SMPD3: variants seen among roughly 807,000 people sequenced by gnomAD.
SMPD3 encodes the protein nSMase-2.
Under a neutral mutation model 55.7 loss-of-function variants are expected in SMPD3, and 21 were observed. The observed-to-expected ratio is 0.38, with a 90% CI of 0.27 to 0.54. The LOEUF is 0.54. Ranked by LOEUF, SMPD3 falls within the 20% of genes least tolerant of loss-of-function variation. SMPD3 has a pLI of 0.80. For missense variants in SMPD3, 842 were observed against 899.6 expected (o/e 0.94, Z 0.82); for synonymous variants, 457 against 404.3 (o/e 1.13, Z -1.56).
intron 1 of SMPD3, among the ~76,000 whole-genome samples, chr16:68,428,312 C>A (rs1218546629): frequency 6.6e-6 from 1 of 152,196 alleles, no homozygotes. Context: ...TAGGACAAAT[C>A]CTTGACTAGT....
At chr16:68,422,736 T>C (rs2090405430) in intron 1 of SMPD3, among the ~76,000 whole-genome samples, 1 of 152,172 alleles carries the variant, frequency 6.6e-6, no homozygotes, top group Non-Finnish European at 1.5e-5. Flanking sequence ...CAGGGAATAG[T>C]GGGCGAGTTT....
intron 1 of SMPD3, among the ~76,000 whole-genome samples, chr16:68,415,766 A>G (rs1254808493): frequency 6.7e-6 from 1 of 150,094 alleles, no homozygotes; most frequent in Non-Finnish European, 1.5e-5. Context: ...CAAATTTCAT[A>G]TGTAATTTGC....
chr16:68,386,126 G>A (rs1666172731), intron 2 of SMPD3, among the ~76,000 whole-genome samples: 1 of 151,974 alleles, frequency 6.6e-6, no homozygotes, highest in Non-Finnish European at 1.5e-5. Flanking sequence ...GGAGGCTGAG[G>A]TGAGAGGAAC....
chr16:68,446,910 G>T (rs1308845043), intron 1 of SMPD3, among the ~76,000 whole-genome samples: 1 of 152,218 alleles, frequency 6.6e-6, no homozygotes, highest in Non-Finnish European at 1.5e-5. Context: ...TAGGGTAGGG[G>T]GTATGGGAAA....
At chr16:68,393,393 G>A (rs2090129284) in intron 1 of SMPD3, among the ~76,000 whole-genome samples, 1 of 152,124 alleles carries the variant, frequency 6.6e-6, no homozygotes, top group Admixed American at 6.5e-5. Context: ...GATAGAGCAC[G>A]AGATTCTGTC....
In SMPD3 at chr16:68,372,319, T is replaced by G; in HGVS notation, c.-138A>C. ...CCTGGCGAGATGCAACTCCGGCTGG[T>G]CAATGGCGAATGTTGGCCAGCCGGT... is the stretch of plus-strand genomic sequence containing the variant. On this transcript the variant is annotated 5_prime_UTR_variant, in exon 3 of 9. Coordinates refer to ENST00000219334, the MANE Select transcript of SMPD3 (RefSeq NM_018667.4). 1.7e-6 allele frequency: 2 copies of G among 1,154,820 alleles called. No individual in the cohort carries two copies. The highest frequency in any genetic ancestry group is 1.5e-5 in the African/African-American group (1 of 65,242). The allele number at this position is 1,154,820 out of a possible 1,614,324, so 71.5% of individuals were successfully genotyped here.
At chr16:68,440,207 TG>T (rs2090555485) in intron 1 of SMPD3, among the ~76,000 whole-genome samples, 1 of 152,210 alleles carries the variant, frequency 6.6e-6, no homozygotes, top group Non-Finnish European at 1.5e-5. Flanking sequence ...TTTTTTTCAT[TG>T]TTTTTTTGAG....
intron 3 of SMPD3, chr16:68,367,380 C>CCGGGGTCA (rs3837766): frequency 1.3e-3 from 202 of 152,410 alleles, no homozygotes; most frequent in East Asian, 0.012. Context: ...GAGTTGTGGG[C>CCGGGGTCA]CGGGGTCACA....
At position 68,358,539 on chromosome 16, in the gene SMPD3, CAATACAGAAAAA is replaced by C. The variant is rs2088980275; in HGVS notation, c.*2655_*2666del. 1.3e-5 allele frequency: 2 copies of C among 152,508 alleles called. No individual in the cohort carries two copies. The highest frequency in any genetic ancestry group is 2.1e-4 in the South Asian group (1 of 4,828). 9.4% of individuals were successfully genotyped at this position (152,508 alleles called of 1,614,324 possible). A position where few individuals can be genotyped will look rare whatever the true frequency, so the allele number is the denominator to read the frequency against. Reference sequence around the variant, plus strand: ...AAACCCCTAATGTCCCATGAAGATACAATACAGAAAAAAATACAGAAATTAAAAAAGTTTTTA... The same window carrying C: ...AAACCCCTAATGTCCCATGAAGATACAATACAGAAATTAAAAAAGTTTTTA... On this transcript the variant is annotated 3_prime_UTR_variant, in exon 9 of 9. Transcript: ENST00000219334.
At chr16:68,424,073 A>C (rs2090417154) in intron 1 of SMPD3, among the ~76,000 whole-genome samples, 1 of 150,192 alleles carries the variant, frequency 6.7e-6, no homozygotes, top group African/African-American at 2.4e-5. Flanking sequence ...GCCAATGGCC[A>C]GGGCAGTCTT....
intron 7 of SMPD3, among the ~76,000 whole-genome samples, chr16:68,362,963 C>T (rs1324499919): frequency 6.6e-6 from 1 of 152,182 alleles, no homozygotes; most frequent in African/African-American, 2.4e-5. Context: ...TAAATTGGTT[C>T]TGCTGTTGGC....
chr16:68,361,285 A>C lies in SMPD3; in HGVS notation c.1889T>G (p.Ile630Ser). 1 of 1,612,070 alleles carries C rather than the reference A, an allele frequency of 6.2e-7. No homozygotes were observed. ...GTCCGTCAGGCCGGACAGCTGGGTG[A>C]TAAAACTGAATTCTTCCACCTCCTG... is the stretch of plus-strand genomic sequence containing the variant. Reference protein sequence around the residue: ...WKAEVEEFSFITQLSGLTDHL... With the variant: ...WKAEVEEFSFSTQLSGLTDHL... Residue 630 changes from isoleucine (I) to serine (S), a missense_variant, in exon 9 of 9, where the codon ATC becomes AGC. By Grantham distance (142) the Ile-to-Ser change is moderately radical. Around this residue, in one of 2 missense-constraint regions of SMPD3, gnomAD observed 649 missense variants for 643.6 expected, o/e 1.01. Coordinates refer to ENST00000219334, the MANE Select transcript of SMPD3 (RefSeq NM_018667.4).
At chr16:68,362,287 T>G (rs1246941871) in intron 7 of SMPD3, among the ~76,000 whole-genome samples, 2 of 152,168 alleles carry the variant, frequency 1.3e-5, no homozygotes, top group African/African-American at 4.8e-5. Context: ...ACAAGAATGG[T>G]TGCTGTGGGC....
At chr16:68,428,991 A>G (rs1294801987) in intron 1 of SMPD3, among the ~76,000 whole-genome samples, 1 of 152,234 alleles carries the variant, frequency 6.6e-6, no homozygotes, top group East Asian at 1.9e-4. Flanking sequence ...CAGTGATGTA[A>G]CTATATCTGG....
intron 1 of SMPD3, among the ~76,000 whole-genome samples, chr16:68,431,326 G>A (rs915719316): frequency 1.3e-5 from 2 of 152,268 alleles, no homozygotes; most frequent in African/African-American, 4.8e-5. Context: ...AATAAGGTTC[G>A]GGACTAATTT....
intron 1 of SMPD3, among the ~76,000 whole-genome samples, chr16:68,437,792 G>A (rs1482911365): frequency 2.0e-5 from 3 of 152,172 alleles, no homozygotes; most frequent in African/African-American, 7.2e-5. Flanking sequence ...TAGAAGCGTA[G>A]CCATGGAGAG....
At chr16:68,435,438 A>C (rs903703657) in intron 1 of SMPD3, among the ~76,000 whole-genome samples, 2 of 152,194 alleles carry the variant, frequency 1.3e-5, no homozygotes, top group African/African-American at 4.8e-5. Context: ...CTACAGGGCA[A>C]TTAGCAGCTT....
In SMPD3 at chr16:68,422,869, G is replaced by T. The variant is rs143736686; in HGVS notation, c.-269+25484C>A. On this transcript the variant is annotated intron_variant, in intron 1 of 8. Transcript: ENST00000219334. ...GGAGGTTAATGTGAGGATCTCTGAG[G>T]TCCTTTTCAGCTAGAATATTGGAGT... Among the ~76,000 whole-genome samples the T allele has an allele frequency of 1.4e-4, 22 of 152,244 alleles. No homozygotes were observed. The East Asian group carries it at 3.7e-3, about 25-fold the overall frequency.
intron 2 of SMPD3, among the ~76,000 whole-genome samples, chr16:68,381,871 C>T (rs1284050235): frequency 6.6e-6 from 1 of 152,200 alleles, no homozygotes; most frequent in African/African-American, 2.4e-5. Flanking sequence ...AGCCTCATTA[C>T]GGACAGCTTG....
Sources: allele counts gnomAD v4.1 joint callset (sites outside exome capture counted in the v4.1 genomes callset), GRCh38; gene constraint gnomAD v4.1.1; regional missense constraint gnomAD v4.1.1; transcripts MANE v1.5; gene names NCBI Gene and HGNC (gene_info 2026-07-23, HGNC 2026-07-21).